Variants in FUCA1 observed in about 807,000 individuals in gnomAD.
FUCA1 encodes the protein tissue alpha-L-fucosidase.
A neutral mutation model predicts 56.8 loss-of-function variants in FUCA1; 52 were observed. The observed-to-expected ratio is 0.92, with a 90% confidence interval of 0.73 to 1.15. The LOEUF is 1.15. Among genes scored for constraint, FUCA1 ranks in the 50% most tolerant of loss-of-function variants. The pLI is 0.00. For missense variants in FUCA1, 568 were observed against 592.6 expected (o/e 0.96, Z 0.43); for synonymous variants, 230 against 226.6 (o/e 1.02, Z -0.14).
chr1:23,858,848 A>G (rs1443955980), intron 4 of FUCA1, among the ~76,000 whole-genome samples: 2 of 152,168 alleles, frequency 1.3e-5, no homozygotes, highest in Admixed American at 6.6e-5. Context: ...CTTGGGCTCA[A>G]GTGATCCTCC....
chr1:23,853,512 A>G (rs1348848955), intron 5 of FUCA1, among the ~76,000 whole-genome samples: 1 of 142,872 alleles, frequency 7.0e-6, no homozygotes, highest in Non-Finnish European at 1.5e-5. Flanking sequence ...GGCCGCCCCT[A>G]CTGGGAAGTG....
chr1:23,847,904 C>A (rs1194434573), intron 6 of FUCA1, among the ~76,000 whole-genome samples: 1 of 152,142 alleles, frequency 6.6e-6, no homozygotes, highest in Non-Finnish European at 1.5e-5. Context: ...TGCCTATAAT[C>A]CCAGCTGCTT....
At chr1:23,855,325 G>A (rs775504233) in intron 4 of FUCA1, among the ~76,000 whole-genome samples, 12 of 152,220 alleles carry the variant, frequency 7.9e-5, no homozygotes, top group Non-Finnish European at 1.0e-4. Flanking sequence ...GTGAAATCCC[G>A]TCTCTACCAA....
At chr1:23,845,892 T>C (rs1359425593) in intron 7 of FUCA1, 37 bp from the exon 8 acceptor site, 3 of 1,613,036 alleles carry the variant, frequency 1.9e-6, no homozygotes, top group South Asian at 1.1e-5. Context: ...AAACTGGTAA[T>C]GCACTAATGA....
rs774564918 is a variant in FUCA1 at position 23,854,424 on chromosome 1, A to G, written c.905T>C (p.Phe302Ser). Residue 302 changes from phenylalanine (F) to serine (S), a missense_variant, in exon 5 of 8, where the codon TTT becomes TCT. Physicochemically the swap from Phe to Ser is radical, Grantham distance 155. Coordinates refer to ENST00000374479, the MANE Select transcript of FUCA1 (RefSeq NM_000147.5). The stretch of plus-strand genomic sequence containing the variant: ...CATGTCACGACGATAGCCCCAGGAA[A>G]ACTTGTCAATGCTGGTGCACATCTC... ...KWEMCTSIDK[F>S]SWGYRRDMAL... The G allele has an allele frequency of 3.7e-6, 6 of 1,614,046 alleles. No individual in the cohort carries two copies. In the East Asian group the frequency reaches 8.9e-5, roughly 24 times the overall value.
Position 23,854,436 on chromosome 1 carries a change from C to T in FUCA1, c.893G>A (p.Ser298Asn). The change falls in exon 5 of 8, where the codon AGC (serine) becomes AAC (asparagine). Residue 298 changes from serine (S) to asparagine (N), a missense_variant. Ser to Asn is a conservative substitution (Grantham distance 46, BLOSUM62 1). Transcript: ENST00000374479. ...LPDHKWEMCT[S>N]IDKFSWGYRR... ...ATAGCCCCAGGAAAACTTGTCAATG[C>T]TGGTGCACATCTCCCACTTGTGATC... 1 of 1,614,114 alleles carries T rather than the reference C, an allele frequency of 6.2e-7. No homozygotes were observed. Among genetic ancestry groups the T allele is most frequent in the Non-Finnish European group, 8.5e-7 (1 of 1,180,008 alleles).
At chr1:23,859,967 A>G in intron 3 of FUCA1, 64 bp from the exon 4 acceptor site, 3 of 1,165,474 alleles carry the variant, frequency 2.6e-6, no homozygotes, top group Non-Finnish European at 3.9e-6. Context: ...AATCTTATGG[A>G]CCATTTTTTT....
chr1:23,868,262 G>A lies in FUCA1; in HGVS notation c.25C>T (p.Arg9Trp), dbSNP rs534639612. MRAPGMRS[R>W]PAGPALLLLL... ...AGCAACAGCGCGGGACCCGCCGGCC[G>A]CGACCTCATCCCCGGAGCCCGCATC... Residue 9 changes from arginine (R) to tryptophan (W), a missense_variant, in exon 1 of 8, where the codon CGG becomes TGG. Physicochemically the swap from Arg to Trp is moderately radical, Grantham distance 101. Transcript: ENST00000374479. 3.0e-5 allele frequency: 47 copies of A among 1,556,466 alleles called. No individual in the cohort carries two copies. Among genetic ancestry groups the A allele is most frequent in the South Asian group, 1.8e-4 (15 of 85,322 alleles).
At position 23,845,271 on chromosome 1, in the gene FUCA1, C is replaced by G. The variant is rs572462089; in HGVS notation, c.*444G>C. ...AAGCCTTTTCCTTTCCCCCAAAGCT[C>G]TCCTGCCCTTTGCAGAAAGACTGTT... On this transcript the variant is annotated 3_prime_UTR_variant, in exon 8 of 8. Transcript: ENST00000374479. The G allele has an allele frequency of 3.7e-6, 1 of 266,920 alleles. No individual in the cohort carries two copies. The highest frequency in any genetic ancestry group is 7.3e-6 in the Non-Finnish European group (1 of 137,440). 16.5% of individuals were successfully genotyped at this position (266,920 alleles called of 1,614,324 possible).
chr1:23,866,506 C>A lies in FUCA1; in HGVS notation c.390-881G>T, dbSNP rs1393926663. ...TTATGGCACAAAAATAGGTAATGCA[C>A]TTTATGGTTCAATCATTGGCCAGAG... is the stretch of plus-strand genomic sequence containing the variant. On this transcript the variant is annotated intron_variant, in intron 1 of 7. Coordinates refer to ENST00000374479, the MANE Select transcript of FUCA1 (RefSeq NM_000147.5). Among the ~76,000 whole-genome samples, 3 of 152,328 alleles carry A rather than the reference C, an allele frequency of 2.0e-5. No individual in the cohort carries two copies. In the East Asian group the frequency reaches 5.8e-4, roughly 29 times the overall value.
chr1:23,866,677 G>C (rs1414837877), intron 1 of FUCA1, among the ~76,000 whole-genome samples: 1 of 152,152 alleles, frequency 6.6e-6, no homozygotes, highest in African/African-American at 2.4e-5. Context: ...TTAAAAAACT[G>C]GCAGAGGACC....
At chr1:23,866,021 C>T (rs571988307) in intron 1 of FUCA1, among the ~76,000 whole-genome samples, 1 of 152,268 alleles carries the variant, frequency 6.6e-6, no homozygotes, top group Admixed American at 6.5e-5. Context: ...GAAAACTAAG[C>T]CATTTGCTGG....
chr1:23,849,904 C>A (rs968880188), intron 5 of FUCA1, among the ~76,000 whole-genome samples: 1 of 151,978 alleles, frequency 6.6e-6, no homozygotes, highest in Admixed American at 6.6e-5. Flanking sequence ...TTTAAGACTT[C>A]TGGAGTGGGA....
chr1:23,857,757 T>C (rs1053385243), intron 4 of FUCA1, among the ~76,000 whole-genome samples: 4 of 151,632 alleles, frequency 2.6e-5, no homozygotes, highest in Non-Finnish European at 5.9e-5. Flanking sequence ...AAGCTCCGCC[T>C]CCCGGGTTCA....
chr1:23,863,697 T>TA (rs1639558390), intron 2 of FUCA1, among the ~76,000 whole-genome samples: 1 of 151,866 alleles, frequency 6.6e-6, no homozygotes, highest in Non-Finnish European at 1.5e-5. Context: ...ACAAAAACTG[T>TA]AAAAATTAGC....
In FUCA1 at chr1:23,867,873, C is replaced by A. The variant is rs761242705; in HGVS notation, c.389+25G>T. 5.9e-6 allele frequency: 9 copies of A among 1,533,842 alleles called. No individual in the cohort carries two copies. ...GTTTGCCGCCCGAGCCGGGAAGGGG[C>A]GCCGCTCCCCGGGACCACACTCACT... On this transcript the variant is annotated intron_variant, in intron 1 of 7. Coordinates refer to ENST00000374479, the MANE Select transcript of FUCA1 (RefSeq NM_000147.5). The surrounding 1 kb of genome is among the most constrained non-coding windows in gnomAD (Gnocchi z 4.9).
chr1:23,865,353 C>G (rs559229469), intron 2 of FUCA1, 138 bp downstream of exon 2: 48 of 1,086,714 alleles, frequency 4.4e-5, no homozygotes, highest in Non-Finnish European at 6.4e-5. Context: ...CTAGAAAACA[C>G]ACAGGAGTAG....
intron 3 of FUCA1, among the ~76,000 whole-genome samples, chr1:23,862,604 T>C (rs1639531787): frequency 6.6e-6 from 1 of 152,050 alleles, no homozygotes. Flanking sequence ...TAGTGACAAA[T>C]CCCTAAGTGA....
intron 5 of FUCA1, among the ~76,000 whole-genome samples, chr1:23,849,077 T>C (rs1639205103): frequency 6.6e-6 from 1 of 151,932 alleles, no homozygotes; most frequent in Non-Finnish European, 1.5e-5. Context: ...TCCACCTCCC[T>C]GTTCAAGCGA....
Sources: allele counts gnomAD v4.1 joint callset (sites outside exome capture counted in the v4.1 genomes callset), GRCh38; gene constraint gnomAD v4.1.1; non-coding constraint Gnocchi (gnomAD v3.1); transcripts MANE v1.5; gene names NCBI Gene and HGNC (gene_info 2026-07-23, HGNC 2026-07-21).